The following KLF7 variants were observed in gnomAD, a reference collection of about 807,000 sequenced individuals.
The protein encoded by KLF7 is KLF transcription factor 7.
A neutral mutation model predicts 27.3 loss-of-function variants in KLF7; 2 were observed. The observed-to-expected ratio is 0.07, with a 90% confidence interval of 0.03 to 0.23. The LOEUF (loss-of-function observed/expected upper bound fraction) is 0.23, where lower values mean the gene tolerates loss of function less well. KLF7 is among the 10% of genes least tolerant of loss of function. The pLI is 1.00. For missense variants in KLF7, 221 were observed against 394.1 expected (o/e 0.56, Z 3.72); for synonymous variants, 165 against 162.4 (o/e 1.02, Z -0.12).
At chr2:207,138,067 G>A (rs2077838276) in intron 1 of KLF7, among the ~76,000 whole-genome samples, 1 of 152,164 alleles carries the variant, frequency 6.6e-6, no homozygotes, top group Non-Finnish European at 1.5e-5. Context: ...GATACCGAAT[G>A]ACATGCACTT....
intron 1 of KLF7, among the ~76,000 whole-genome samples, chr2:207,148,465 C>T (rs1236887360): frequency 2.0e-5 from 3 of 152,110 alleles, no homozygotes; most frequent in African/African-American, 7.2e-5. Context: ...CAAGCTTTTG[C>T]TTTGAATGGA....
rs184943043 is a variant in KLF7, at chr2:207,097,712, T to C, written c.734-9131A>G. 3.7e-4 allele frequency among the ~76,000 whole-genome samples: 56 copies of C among 152,348 alleles called. No homozygotes were observed. In the Middle Eastern group the frequency reaches 0.017, roughly 46 times the overall value. ...GACTGTGTTGGTCATGAAAATTACT[T>C]ACCAACCCAGATGCTGAAACAAATT... is the stretch of plus-strand genomic sequence containing the variant. On this transcript the variant is annotated intron_variant, in intron 2 of 3. Transcript: ENST00000309446.
Position 207,079,060 on chromosome 2 carries a change from ATT to A in KLF7, c.*2151_*2152del. ...CTTTCTTTTTTTTTCGTTTTGTATTATTTTGTTTTTTTTTTTGTTTTTGTTTT... is the reference window on the plus strand; with the variant it reads ...CTTTCTTTTTTTTTCGTTTTGTATTATTGTTTTTTTTTTTGTTTTTGTTTT... On this transcript the variant is annotated 3_prime_UTR_variant, in exon 4 of 4. Transcript: ENST00000309446. 1 of 65,274 alleles carries A rather than the reference ATT, an allele frequency of 1.5e-5. No individual in the cohort carries two copies. The highest frequency in any genetic ancestry group is 7.7e-5 in the African/African-American group (1 of 13,046). 4.0% of individuals were successfully genotyped at this position (65,274 alleles called of 1,614,324 possible).
intron 2 of KLF7, among the ~76,000 whole-genome samples, chr2:207,118,827 C>T (rs905284173): frequency 1.3e-5 from 2 of 152,130 alleles, no homozygotes; most frequent in Non-Finnish European, 2.9e-5. Flanking sequence ...ACTTTAAAGG[C>T]CTTTCATTAC....
At chr2:207,148,668 G>A (rs1447290646) in intron 1 of KLF7, among the ~76,000 whole-genome samples, 1 of 152,094 alleles carries the variant, frequency 6.6e-6, no homozygotes, top group Non-Finnish European at 1.5e-5. Flanking sequence ...CAAAAGATCT[G>A]GCGACAGGTT....
chr2:207,164,697 G>A (rs2078650405), intron 1 of KLF7, among the ~76,000 whole-genome samples: 1 of 152,182 alleles, frequency 6.6e-6, no homozygotes, highest in Admixed American at 6.5e-5. Context: ...CTAAGACAAA[G>A]TCAAAGGCAT....
chr2:207,100,150 G>A (rs1024622594), intron 2 of KLF7, among the ~76,000 whole-genome samples: 9 of 113,380 alleles, frequency 7.9e-5, no homozygotes, highest in Non-Finnish European at 1.7e-4. Context: ...AAAAAGAAGA[G>A]CCCAAATTAG....
intron 2 of KLF7, among the ~76,000 whole-genome samples, chr2:207,100,148 G>A (rs1182973892): frequency 6.6e-6 from 1 of 151,578 alleles, no homozygotes; most frequent in Non-Finnish European, 1.5e-5. Context: ...AAAAAAAGAA[G>A]AGCCCAAATT....
intron 2 of KLF7, among the ~76,000 whole-genome samples, chr2:207,090,005 C>T (rs982284107): frequency 1.3e-5 from 2 of 152,286 alleles, no homozygotes; most frequent in Non-Finnish European, 2.9e-5. Context: ...TTTCCCCTTC[C>T]CTTTAAACCT....
intron 1 of KLF7, among the ~76,000 whole-genome samples, chr2:207,136,784 C>T (rs2077801686): frequency 6.6e-6 from 1 of 152,250 alleles, no homozygotes; most frequent in South Asian, 2.1e-4. Flanking sequence ...TAATCAATCC[C>T]GGAATTCCAG....
At chr2:207,111,768 G>A (rs2077044774) in intron 2 of KLF7, among the ~76,000 whole-genome samples, 1 of 152,148 alleles carries the variant, frequency 6.6e-6, no homozygotes, top group South Asian at 2.1e-4. Flanking sequence ...AGTACGATGA[G>A]AGGAAGCCTC....
rs148995107 is a variant in KLF7 at position 207,162,026 on chromosome 2, T to C, written c.102+3441A>G. On this transcript the variant is annotated intron_variant, in intron 1 of 3. Transcript: ENST00000309446. Reference sequence around the variant, plus strand: ...ACGCAAAGCTAAGTCCAAATAAGACTTAGATCATCACTGCTTGACCTGCAC... The same window carrying C: ...ACGCAAAGCTAAGTCCAAATAAGACCTAGATCATCACTGCTTGACCTGCAC... Among the ~76,000 whole-genome samples the C allele has an allele frequency of 5.8e-4, 88 of 152,330 alleles. 1 individual carries two copies. Among genetic ancestry groups the C allele is most frequent in the Admixed American group, 3.3e-3 (50 of 15,290 alleles).
At chr2:207,159,006 T>C (rs925056833) in intron 1 of KLF7, among the ~76,000 whole-genome samples, 3 of 152,214 alleles carry the variant, frequency 2.0e-5, no homozygotes, top group African/African-American at 7.2e-5. Flanking sequence ...AATCACTTAG[T>C]TCAACCCAGT....
Position 207,163,989 on chromosome 2 carries a change from C to G in KLF7, c.102+1478G>C, listed in dbSNP as rs191673314. Reference sequence around the variant, plus strand: ...AACTGTGTATGTGTTTACAGAGAGACAGAGTCAAGCATCTGCTAGCGTCCT... The same window carrying G: ...AACTGTGTATGTGTTTACAGAGAGAGAGAGTCAAGCATCTGCTAGCGTCCT... On this transcript the variant is annotated intron_variant, in intron 1 of 3. Transcript: ENST00000309446. 2.4e-4 allele frequency among the ~76,000 whole-genome samples: 36 copies of G among 152,342 alleles called. 1 individual carries two copies. The East Asian group carries it at 6.7e-3, about 29-fold the overall frequency.
intron 1 of KLF7, among the ~76,000 whole-genome samples, chr2:207,142,151 C>T (rs1400783089): frequency 6.6e-6 from 1 of 152,126 alleles, no homozygotes; most frequent in East Asian, 1.9e-4. Flanking sequence ...TCAATAGCTG[C>T]TCAATAAATA....
Position 207,080,774 on chromosome 2 carries a change from G to C in KLF7, c.*439C>G, listed in dbSNP as rs942403585. ...ACACATATGCAACTTTAAGATGCTG[G>C]ATTCTCCTATCAAGTTGCACTGAGA... On this transcript the variant is annotated 3_prime_UTR_variant, in exon 4 of 4. Transcript: ENST00000309446. The C allele has an allele frequency of 1.0e-5, 4 of 400,710 alleles. No individual in the cohort carries two copies. The highest frequency in any genetic ancestry group is 1.8e-5 in the Non-Finnish European group (4 of 227,240). 24.8% of individuals were successfully genotyped at this position (400,710 alleles called of 1,614,324 possible). A position where few individuals can be genotyped will look rare whatever the true frequency, so the allele number is the denominator to read the frequency against.
chr2:207,167,337 C>T (rs915995687), upstream of KLF7: 8 of 374,868 alleles, frequency 2.1e-5, no homozygotes, highest in Non-Finnish European at 3.7e-5. Flanking sequence ...CCCCAAAATG[C>T]GCTGTGAGCT....
rs1574407225 is a variant in KLF7, at chr2:207,081,140, G to A, written c.*73C>T. On this transcript the variant is annotated 3_prime_UTR_variant, in exon 4 of 4. Transcript: ENST00000309446. Reference sequence around the variant, plus strand: ...GCGAGGCAATGGGTCCCCGCCTGAAGTCCAGCCCCCTGCCTCATGGCGTTT... The same window carrying A: ...GCGAGGCAATGGGTCCCCGCCTGAAATCCAGCCCCCTGCCTCATGGCGTTT... The A allele has an allele frequency of 7.2e-7, 1 of 1,390,178 alleles. No individual in the cohort carries two copies. The highest frequency in any genetic ancestry group is 1.0e-6 in the Non-Finnish European group (1 of 976,388). The allele number at this position is 1,390,178 out of a possible 1,614,324, so 86.1% of individuals were successfully genotyped here.
At chr2:207,118,692 C>T (rs2077255771) in intron 2 of KLF7, among the ~76,000 whole-genome samples, 1 of 152,126 alleles carries the variant, frequency 6.6e-6, no homozygotes. Flanking sequence ...AAGATGGTAC[C>T]TATGTCATTG....
Sources: allele counts gnomAD v4.1 joint callset (sites outside exome capture counted in the v4.1 genomes callset), GRCh38; gene constraint gnomAD v4.1.1; transcripts MANE v1.5; gene names NCBI Gene and HGNC (gene_info 2026-07-23, HGNC 2026-07-21).